The following ANXA8 variants were observed in gnomAD, a reference collection of about 807,000 sequenced individuals.
The protein encoded by ANXA8 is VAC-beta.
Under a neutral mutation model 26.8 loss-of-function variants are expected in ANXA8, and 9 were observed. That is an observed-to-expected ratio of 0.34 (90% CI 0.20 to 0.59). The LOEUF (loss-of-function observed/expected upper bound fraction) is 0.59, where lower values mean the gene tolerates loss of function less well. Among genes scored for constraint, ANXA8 ranks in the 20% least tolerant of loss-of-function variants. The probability of loss-of-function intolerance (pLI) is 0.84; values close to 1 mark genes in which losing one functional copy is unlikely to be tolerated. For synonymous variants in ANXA8, 39 were observed against 94.8 expected, an observed-to-expected ratio of 0.41 and a Z score of 3.42; for missense variants, 83 against 238.5, an observed-to-expected ratio of 0.35 and a Z score of 4.29.
chr10:47,940,722 G>A, the ANXA8 span, among the ~76,000 whole-genome samples: 8 of 146,484 alleles, frequency 5.5e-5, no homozygotes, highest in Non-Finnish European at 7.4e-5. Flanking sequence ...CCAGCTACTC[G>A]GGAAGCTGAG....
chr10:47,693,664 A>G, the ANXA8 span, among the ~76,000 whole-genome samples: 82 of 149,368 alleles, frequency 5.5e-4, no homozygotes, highest in South Asian at 0.011. Context: ...CCCACTGGCA[A>G]TATTAGCTAA....
chr10:47,762,003 C>T, the ANXA8 span, among the ~76,000 whole-genome samples: 2 of 136,398 alleles, frequency 1.5e-5, no homozygotes, highest in Admixed American at 7.4e-5. Context: ...ATCCCCTGGG[C>T]TCCTGTTGAG....
chr10:47,701,611 A>AT, the ANXA8 span, among the ~76,000 whole-genome samples: 712 of 151,906 alleles, frequency 4.7e-3, 11 homozygotes, highest in African/African-American at 0.016. Context: ...CCAAAACTGT[A>AT]TGTAGTATGC....
At chr10:47,674,828 T>G in the ANXA8 span, among the ~76,000 whole-genome samples, 1 of 151,860 alleles carries the variant, frequency 6.6e-6, no homozygotes, top group Non-Finnish European at 1.5e-5. Context: ...TTGTTCCAGC[T>G]TTGGCCACTG....
the ANXA8 span, among the ~76,000 whole-genome samples, chr10:47,647,126 C>G: frequency 2.0e-5 from 3 of 152,378 alleles, no homozygotes; most frequent in South Asian, 4.1e-4. Flanking sequence ...TCACTTTGCT[C>G]TAGACATGTG....
chr10:47,626,357 C>T, the ANXA8 span, among the ~76,000 whole-genome samples: 2 of 150,300 alleles, frequency 1.3e-5, no homozygotes, highest in Non-Finnish European at 2.9e-5. Flanking sequence ...ACTGTGAAAA[C>T]AAAACCACTA....
the ANXA8 span, among the ~76,000 whole-genome samples, chr10:47,945,455 G>A: frequency 7.3e-5 from 11 of 150,910 alleles, no homozygotes; most frequent in Admixed American, 1.3e-4. Flanking sequence ...TTGCCCACCC[G>A]CTGCTGCCTC....
chr10:47,659,592 C>T, the ANXA8 span, among the ~76,000 whole-genome samples: 2 of 150,776 alleles, frequency 1.3e-5, no homozygotes, highest in Non-Finnish European at 2.9e-5. Flanking sequence ...AGGAGAATTG[C>T]TTGAACCCGG....
At chr10:47,699,877 C>G in the ANXA8 span, among the ~76,000 whole-genome samples, 1 of 151,674 alleles carries the variant, frequency 6.6e-6, no homozygotes, top group Non-Finnish European at 1.5e-5. Context: ...ACACAAATAA[C>G]AAACAGAGGG....
Position 47,475,068 on chromosome 10 carries a change from G to A in ANXA8, c.493-64C>T, listed in dbSNP as rs1194261753. 1.2e-5 allele frequency: 18 copies of A among 1,523,226 alleles called. 2 individuals carry two copies. Among genetic ancestry groups the A allele is most frequent in the Non-Finnish European group, 5.3e-6 (6 of 1,122,928 alleles). The allele number at this position is 1,523,226 out of a possible 1,614,324, so 94.4% of individuals were successfully genotyped here. On this transcript the variant is annotated intron_variant, in intron 6 of 11. Coordinates refer to ENST00000585281, the MANE Select transcript of ANXA8 (RefSeq NM_001040084.3). Reference sequence around the variant, plus strand: ...TGACCAGAGCATTAAGGGCACAGGGGGGATCCTGGGCTTGGAGGGCAGGCA... The same window carrying A: ...TGACCAGAGCATTAAGGGCACAGGGAGGATCCTGGGCTTGGAGGGCAGGCA...
chr10:47,944,588 C>A, the ANXA8 span, among the ~76,000 whole-genome samples: 2 of 150,582 alleles, frequency 1.3e-5, no homozygotes, highest in Non-Finnish European at 2.9e-5. Flanking sequence ...ATCATGGGGG[C>A]AGGTCTTTCC....
the ANXA8 span, chr10:47,970,213 T>G: frequency 6.6e-6 from 1 of 151,374 alleles, no homozygotes; most frequent in African/African-American, 2.4e-5. Context: ...AGGTGTCCAA[T>G]AGCTGCCTCT....
chr10:47,530,692 CAA>C, the ANXA8 span, among the ~76,000 whole-genome samples: 4 of 115,556 alleles, frequency 3.5e-5, no homozygotes, highest in Admixed American at 1.9e-4. Context: ...GACTCCCTCT[CAA>C]AAAAAAAAAA....
chr10:47,691,619 T>C, the ANXA8 span, among the ~76,000 whole-genome samples: 5 of 150,268 alleles, frequency 3.3e-5, no homozygotes, highest in Non-Finnish European at 7.4e-5. Flanking sequence ...AAAAAATAAA[T>C]TAAGTTTTGC....
At chr10:47,943,548 A>G in the ANXA8 span, among the ~76,000 whole-genome samples, 39 of 148,542 alleles carry the variant, frequency 2.6e-4, 1 homozygote. Flanking sequence ...AGGGAGGAGC[A>G]GGGATGGTCT....
the ANXA8 span, among the ~76,000 whole-genome samples, chr10:47,727,112 T>G: frequency 7.4e-3 from 1,130 of 151,888 alleles, no homozygotes; most frequent in African/African-American, 0.026. Flanking sequence ...CCTATGTAAG[T>G]TAGAAGGTTG....
the ANXA8 span, among the ~76,000 whole-genome samples, chr10:47,617,109 C>T: frequency 7.5e-5 from 5 of 66,646 alleles, 2 homozygotes; most frequent in Middle Eastern, 0.012. Flanking sequence ...AATTTAAAAA[C>T]GGGAATTTTA....
chr10:47,683,402 G>T, the ANXA8 span, among the ~76,000 whole-genome samples: 2 of 151,590 alleles, frequency 1.3e-5, no homozygotes, highest in Non-Finnish European at 2.9e-5. Flanking sequence ...CTAATTTTTT[G>T]TATTTTTAGT....
At chr10:47,700,312 C>A in the ANXA8 span, among the ~76,000 whole-genome samples, 1 of 151,768 alleles carries the variant, frequency 6.6e-6, no homozygotes. Flanking sequence ...GACAAGTAGA[C>A]CAGTGGAATA....
Sources: gnomAD v4.1 joint callset for allele counts (sites outside exome capture counted in the v4.1 genomes callset) on GRCh38, gnomAD v4.1.1 for gene constraint, MANE v1.5 for transcripts, NCBI Gene and HGNC (gene_info 2026-07-23, HGNC 2026-07-21) for gene names.